Variants in RAI14 observed in about 807,000 individuals in gnomAD.
RAI14 encodes retinoic acid induced 14.
Under a neutral mutation model 115.4 loss-of-function variants are expected in RAI14, and 45 were observed. That is an observed-to-expected ratio of 0.39 (90% CI 0.31 to 0.50). The LOEUF (loss-of-function observed/expected upper bound fraction) is 0.50, where lower values mean the gene tolerates loss of function less well. RAI14 is among the 20% of genes least tolerant of loss of function. The probability of loss-of-function intolerance (pLI) is 0.85; values close to 1 mark genes in which losing one functional copy is unlikely to be tolerated. For synonymous variants in RAI14, 371 were observed against 415.4 expected (o/e 0.89, Z 1.30); for missense variants, 939 against 1,131.2 (o/e 0.83, Z 2.44).
At chr5:34,740,123 C>T (rs572503962) in intron 2 of RAI14, among the ~76,000 whole-genome samples, 45 of 152,240 alleles carry the variant, frequency 3.0e-4, no homozygotes, top group African/African-American at 1.1e-3. Flanking sequence ...TAGGTATACA[C>T]CAAGTGACTT....
intron 1 of RAI14, chr5:34,659,194 A>G (rs1043444733): frequency 1.3e-5 from 2 of 152,232 alleles, no homozygotes; most frequent in Non-Finnish European, 2.9e-5. Context: ...TTTAGCTGTT[A>G]CAGAGAATCC....
In RAI14 at chr5:34,823,710, C is replaced by A. The variant is rs1262517517; in HGVS notation, c.1868C>A (p.Ala623Asp). The part of the protein sequence containing the change: ...DTLKSQMTQE[A>D]SDEAEDMKEA... ...CTAAAAAGTCAGATGACACAGGAAGCCAGTGATGAAGCTGAGGACATGAAA... is the reference window on the plus strand; with the variant it reads ...CTAAAAAGTCAGATGACACAGGAAGACAGTGATGAAGCTGAGGACATGAAA... The change falls in exon 15 of 18, where the codon GCC (alanine) becomes GAC (aspartate). Residue 623 changes from alanine to aspartate, a missense_variant. Ala to Asp is a moderately radical substitution (Grantham distance 126). Transcript: ENST00000265109. This position sits in a 1 kb window ranked among gnomAD's most constrained non-coding sequence, Gnocchi z 4.5. 19 of 1,613,926 alleles carry A rather than the reference C, an allele frequency of 1.2e-5. No individual in the cohort carries two copies. Among genetic ancestry groups the A allele is most frequent in the Non-Finnish European group, 1.5e-5 (18 of 1,180,026 alleles).
chr5:34,804,464 GC>G (rs1754632729), intron 5 of RAI14, among the ~76,000 whole-genome samples: 1 of 152,208 alleles, frequency 6.6e-6, no homozygotes, highest in Non-Finnish European at 1.5e-5. Flanking sequence ...ACAGCATAGA[GC>G]AATAAAATAC....
intron 2 of RAI14, among the ~76,000 whole-genome samples, chr5:34,719,540 T>C (rs6871757): frequency 0.28 from 42,682 of 152,048 alleles, 6,876 homozygotes; most frequent in African/African-American, 0.45. Flanking sequence ...ATGTGAGCAG[T>C]TTGTAAATTT....
intron 17 of RAI14, among the ~76,000 whole-genome samples, chr5:34,830,242 C>T (rs1446437730): frequency 6.6e-6 from 1 of 152,138 alleles, no homozygotes; most frequent in Non-Finnish European, 1.5e-5. Context: ...CTTCGGCCTC[C>T]CAAAGTGCTG....
At chr5:34,660,866 C>A (rs1165709875) in intron 1 of RAI14, among the ~76,000 whole-genome samples, 1 of 151,704 alleles carries the variant, frequency 6.6e-6, no homozygotes, top group African/African-American at 2.4e-5. Flanking sequence ...GATCACCAGG[C>A]GTCTTGCCTC....
At chr5:34,664,870 G>A (rs1450681474) in intron 1 of RAI14, among the ~76,000 whole-genome samples, 5 of 150,160 alleles carry the variant, frequency 3.3e-5, no homozygotes, top group Non-Finnish European at 5.9e-5. Flanking sequence ...AGGAATGTAC[G>A]ATGTTTGGCT....
At chr5:34,788,828 G>A (rs566632021) in intron 3 of RAI14, among the ~76,000 whole-genome samples, 1 of 152,210 alleles carries the variant, frequency 6.6e-6, no homozygotes, top group South Asian at 2.1e-4. Context: ...AATTAGCCAG[G>A]CATGGTGGCA....
At chr5:34,699,547 G>T (rs1349696935) in intron 2 of RAI14, among the ~76,000 whole-genome samples, 1 of 152,206 alleles carries the variant, frequency 6.6e-6, no homozygotes, top group Non-Finnish European at 1.5e-5. Flanking sequence ...GACCTCAGTT[G>T]TATGGGAGTA....
chr5:34,748,456 T>C (rs1746574017), intron 2 of RAI14, among the ~76,000 whole-genome samples: 1 of 152,210 alleles, frequency 6.6e-6, no homozygotes, highest in Non-Finnish European at 1.5e-5. Flanking sequence ...ACATCCTGTA[T>C]GTTTCAATCC....
intron 16 of RAI14, among the ~76,000 whole-genome samples, chr5:34,829,027 A>T: frequency 6.6e-6 from 1 of 152,078 alleles, no homozygotes; most frequent in Non-Finnish European, 1.5e-5. Context: ...TAATTCAATA[A>T]CTCTGAGATA....
intron 3 of RAI14, among the ~76,000 whole-genome samples, chr5:34,775,949 T>C (rs1255989020): frequency 6.6e-6 from 1 of 152,224 alleles, no homozygotes; most frequent in African/African-American, 2.4e-5. Flanking sequence ...AATTGCTATA[T>C]TGAAAAGATA....
At chr5:34,771,297 G>A (rs555118822) in intron 3 of RAI14, among the ~76,000 whole-genome samples, 11 of 152,298 alleles carry the variant, frequency 7.2e-5, no homozygotes, top group Admixed American at 2.0e-4. Flanking sequence ...TTGTGTGAGC[G>A]TTGGTGGCTT....
Position 34,818,793 on chromosome 5 carries a change from A to T in RAI14, c.940-4A>T. On this transcript the variant is annotated splice_region_variant and splice_polypyrimidine_tract_variant and intron_variant, in intron 12 of 17. Transcript: ENST00000265109. ...TTCTTTAAGTCATTTTTGTGTTTCA[A>T]TAGGCTGAGATCAGTTCTATACGAG... is the stretch of plus-strand genomic sequence containing the variant. 2 of 1,606,582 alleles carry T rather than the reference A, an allele frequency of 1.2e-6. No homozygotes were observed. The highest frequency in any genetic ancestry group is 1.3e-5 in the African/African-American group (1 of 74,664).
At chr5:34,795,294 A>G (rs56239278) in intron 3 of RAI14, among the ~76,000 whole-genome samples, 6,150 of 152,324 alleles carry the variant, frequency 0.04, 192 homozygotes, top group Admixed American at 0.087. Flanking sequence ...GCACCAGAGT[A>G]TAGACACTTG....
chr5:34,788,532 A>T (rs1485866691), intron 3 of RAI14, among the ~76,000 whole-genome samples: 1 of 152,206 alleles, frequency 6.6e-6, no homozygotes, highest in Non-Finnish European at 1.5e-5. Context: ...TCACACATAG[A>T]TACCCTAATA....
chr5:34,804,088 T>G (rs1380765944), intron 5 of RAI14, among the ~76,000 whole-genome samples: 2 of 152,204 alleles, frequency 1.3e-5, no homozygotes, highest in Non-Finnish European at 2.9e-5. Context: ...AGTGTAAGTT[T>G]TTAAAACATC....
At chr5:34,735,774 G>A (rs1372605757) in intron 2 of RAI14, among the ~76,000 whole-genome samples, 2 of 152,222 alleles carry the variant, frequency 1.3e-5, no homozygotes, top group Non-Finnish European at 2.9e-5. Context: ...CCTAGAGCTT[G>A]ATAAATTAGA....
rs869028180 is a variant in RAI14, at chr5:34,750,848, A to ATTTTTTTTTTTTTT, written c.37-6612_37-6599dup. On this transcript the variant is annotated intron_variant, in intron 2 of 17. Coordinates refer to ENST00000265109, the MANE Select transcript of RAI14 (RefSeq NM_015577.3). ...GACCTTATCCTTACTTTGCTTTATC[A>ATTTTTTTTTTTTTT]TTTTTTTTTTTTTTTTTTTTTGAGG... Among the ~76,000 whole-genome samples, 31 of 83,610 alleles carry ATTTTTTTTTTTTTT rather than the reference A, an allele frequency of 3.7e-4. 1 individual carries two copies. The highest frequency in any genetic ancestry group is 1.3e-3 in the South Asian group (3 of 2,248). The allele number at this position is 83,610 out of a possible 152,430, so 54.9% of individuals were successfully genotyped here.
Sources: gnomAD v4.1 joint callset for allele counts (sites outside exome capture counted in the v4.1 genomes callset) on GRCh38, gnomAD v4.1.1 for gene constraint, Gnocchi (gnomAD v3.1) non-coding constraint, MANE v1.5 for transcripts, NCBI Gene and HGNC (gene_info 2026-07-23, HGNC 2026-07-21) for gene names.